BLTP3B: variants seen among roughly 807,000 people sequenced by gnomAD.
The protein encoded by BLTP3B is bridge-like lipid transfer protein family member 3B.
the BLTP3B span, among the ~76,000 whole-genome samples, chr12:100,121,129 C>T: frequency 6.6e-6 from 1 of 152,070 alleles, no homozygotes; most frequent in Admixed American, 6.5e-5. Flanking sequence ...GGGCGGATCA[C>T]CTGAGGTCAG....
the BLTP3B span, among the ~76,000 whole-genome samples, chr12:100,093,652 T>C: frequency 6.6e-6 from 1 of 152,158 alleles, no homozygotes; most frequent in African/African-American, 2.4e-5. Flanking sequence ...TTAGAGTCAT[T>C]ATGGAAAGGG....
the BLTP3B span, among the ~76,000 whole-genome samples, chr12:100,063,227 T>C: frequency 6.6e-6 from 1 of 152,080 alleles, no homozygotes; most frequent in African/African-American, 2.4e-5. Flanking sequence ...CTGCAGGACC[T>C]GAGAGACAAC....
At chr12:100,081,164 T>C in the BLTP3B span, among the ~76,000 whole-genome samples, 2 of 152,180 alleles carry the variant, frequency 1.3e-5, no homozygotes, top group Non-Finnish European at 2.9e-5. Context: ...CTCTTTCTTT[T>C]GTAAATTGCC....
the BLTP3B span, among the ~76,000 whole-genome samples, chr12:100,106,001 T>G: frequency 6.6e-6 from 1 of 152,104 alleles, no homozygotes; most frequent in Non-Finnish European, 1.5e-5. Context: ...AAAAACACAT[T>G]GAGACACCAC....
At chr12:100,094,612 T>G in the BLTP3B span, among the ~76,000 whole-genome samples, 2 of 152,176 alleles carry the variant, frequency 1.3e-5, no homozygotes, top group Non-Finnish European at 2.9e-5. Flanking sequence ...ATCCCAGCAT[T>G]TTGGGAGGCC....
chr12:100,083,138 T>C, the BLTP3B span: 11 of 1,606,756 alleles, frequency 6.8e-6, no homozygotes, highest in East Asian at 8.9e-5. Context: ...TCCTTCTCTG[T>C]TGGAAACAAA....
the BLTP3B span, among the ~76,000 whole-genome samples, chr12:100,139,626 A>G: frequency 1.3e-5 from 2 of 152,220 alleles, no homozygotes; most frequent in Admixed American, 6.5e-5. Context: ...TCCCAAATCT[A>G]TAAGAATATT....
At chr12:100,099,645 G>A in the BLTP3B span, among the ~76,000 whole-genome samples, 1 of 151,596 alleles carries the variant, frequency 6.6e-6, no homozygotes, top group Non-Finnish European at 1.5e-5. Flanking sequence ...TACTCACAAG[G>A]CTGCAGTGGG....
At chr12:100,054,158 C>T in the BLTP3B span, among the ~76,000 whole-genome samples, 6 of 152,220 alleles carry the variant, frequency 3.9e-5, no homozygotes, top group Non-Finnish European at 2.9e-5. Flanking sequence ...AAACATCCAA[C>T]ATCAGGGAAA....
chr12:100,042,213 T>C, the BLTP3B span, among the ~76,000 whole-genome samples: 28 of 152,344 alleles, frequency 1.8e-4, no homozygotes, highest in African/African-American at 5.3e-4. Context: ...CTATCAGAAG[T>C]TGAGCTGGCG....
At chr12:100,127,933 G>T in the BLTP3B span, among the ~76,000 whole-genome samples, 1 of 152,006 alleles carries the variant, frequency 6.6e-6, no homozygotes, top group Non-Finnish European at 1.5e-5. Flanking sequence ...GGATAACTGG[G>T]GACCAGGAGT....
chr12:100,120,208 T>G, the BLTP3B span, among the ~76,000 whole-genome samples: 1 of 151,682 alleles, frequency 6.6e-6, no homozygotes, highest in Non-Finnish European at 1.5e-5. Flanking sequence ...AAAACCTCAT[T>G]TCTACTAAAA....
chr12:100,113,081 G>A, the BLTP3B span, among the ~76,000 whole-genome samples: 622 of 152,040 alleles, frequency 4.1e-3, 2 homozygotes, highest in Non-Finnish European at 6.9e-3. Context: ...TAAGGTGGGG[G>A]GATCACCTGG....
At chr12:100,104,567 T>C in the BLTP3B span, among the ~76,000 whole-genome samples, 1 of 151,762 alleles carries the variant, frequency 6.6e-6, no homozygotes, top group African/African-American at 2.4e-5. Flanking sequence ...CTTAATATCA[T>C]AATTTAAATG....
the BLTP3B span, chr12:100,070,091 C>T: frequency 4.8e-6 from 7 of 1,455,908 alleles, no homozygotes; most frequent in African/African-American, 5.8e-5. Context: ...TTCAACTGTG[C>T]CATTTTACTC....
At chr12:100,107,398 G>A in the BLTP3B span, among the ~76,000 whole-genome samples, 1 of 151,456 alleles carries the variant, frequency 6.6e-6, no homozygotes, top group Admixed American at 6.6e-5. Flanking sequence ...CTCAAAATGG[G>A]CTGGGCACGG....
At chr12:100,122,543 C>G in the BLTP3B span, among the ~76,000 whole-genome samples, 4 of 152,174 alleles carry the variant, frequency 2.6e-5, no homozygotes, top group Admixed American at 2.6e-4. Context: ...CCTCAAGGAG[C>G]TTTCAGTGTA....
the BLTP3B span, among the ~76,000 whole-genome samples, chr12:100,115,461 A>G: frequency 3.9e-5 from 6 of 152,202 alleles, no homozygotes; most frequent in Non-Finnish European, 8.8e-5. Context: ...GGTATGAACT[A>G]AAGTTTAAAA....
chr12:100,070,420 C>G, the BLTP3B span, among the ~76,000 whole-genome samples: 1 of 152,034 alleles, frequency 6.6e-6, no homozygotes, highest in East Asian at 1.9e-4. Context: ...CCACCACGCA[C>G]GGCTAATTTG....
Sources: allele counts gnomAD v4.1 joint callset (sites outside exome capture counted in the v4.1 genomes callset), GRCh38; gene constraint gnomAD v4.1.1; transcripts MANE v1.5; gene names NCBI Gene and HGNC (gene_info 2026-07-23, HGNC 2026-07-21).